The following TAP1 variants were observed in gnomAD, a reference collection of about 807,000 sequenced individuals.
The protein encoded by TAP1 is transporter 1, ATP binding cassette subfamily B member.
TAP1 carries 56 observed loss-of-function variants against 79.3 expected under a neutral mutation model. The observed-to-expected ratio is 0.71, with a 90% confidence interval of 0.57 to 0.88. The LOEUF is 0.88. TAP1 is among the 40% of genes least tolerant of loss of function. The probability of loss-of-function intolerance (pLI) is 0.00; values close to 1 mark genes in which losing one functional copy is unlikely to be tolerated. For missense variants in TAP1, 737 were observed against 936.3 expected (o/e 0.79, Z 2.78); for synonymous variants, 355 against 401.4 (o/e 0.88, Z 1.38).
chr6:32,848,841 C>T lies in TAP1; in HGVS notation c.1378-1G>A. ...CTCTGGGGTAGATGGAGAGCAGTAC[C>T]TAGAGGGAGGTAAGAATAGTGAAAG... On this transcript the variant is annotated splice_acceptor_variant, in intron 6 of 10. Coordinates refer to ENST00000354258, the MANE Select transcript of TAP1 (RefSeq NM_000593.6). LOFTEE classifies it high-confidence loss of function. The T allele has an allele frequency of 1.9e-6, 3 of 1,613,828 alleles. No homozygotes were observed. Among genetic ancestry groups the T allele is most frequent in the Non-Finnish European group, 2.5e-6 (3 of 1,180,022 alleles).
rs1554246364 is a variant in TAP1 at position 32,851,924 on chromosome 6, T to TGTGAGAGAGAGAGAGAGA, written c.844+184_844+185insTCTCTCTCTCTCTCTCAC. 5.2e-4 allele frequency among the ~76,000 whole-genome samples: 77 copies of TGTGAGAGAGAGAGAGAGA among 147,428 alleles called. No individual in the cohort carries two copies. Among genetic ancestry groups the TGTGAGAGAGAGAGAGAGA allele is most frequent in the Non-Finnish European group, 1.0e-3 (69 of 66,848 alleles). ...AAAAACAATTGTGTGTGTGTGTGTG[T>TGTGAGAGAGAGAGAGAGA]GAGAGAGAGAGAGAGAGAGACAGAG... On this transcript the variant is annotated intron_variant, in intron 3 of 10. Transcript: ENST00000354258. The surrounding 1 kb of genome is among the most constrained non-coding windows in gnomAD (Gnocchi z 4.8).
rs1770537847 is a variant in TAP1 at position 32,847,926 on chromosome 6, T to C, written c.1733A>G (p.His578Arg). The change falls in exon 8 of 11, where the codon CAC becomes CGC. Residue 578 changes from histidine to arginine, a missense_variant. By Grantham distance (29) the His-to-Arg change is conservative. Around this residue, in one of 5 missense-constraint regions of TAP1, gnomAD observed 266 missense variants for 332.4 expected, o/e 0.80. Transcript: ENST00000354258. The surrounding 1 kb of genome is among the most constrained non-coding windows in gnomAD (Gnocchi z 4.7). ...AGCCACCTGCTTCCATACCTGCCTG[T>C]GCAGGTAGCGGTGCTCATATTGGGG... ...PLPQYEHRYL[H>R]RQVAAVGQEP... is the part of the protein sequence containing the mutation. 2 of 1,613,120 alleles carry C rather than the reference T, an allele frequency of 1.2e-6. No individual in the cohort carries two copies. Among genetic ancestry groups the C allele is most frequent in the Non-Finnish European group, 1.7e-6 (2 of 1,180,024 alleles).
chr6:32,845,900 C>G lies in TAP1; in HGVS notation c.2041-115G>C, dbSNP rs1770353826. 2 of 804,476 alleles carry G rather than the reference C, an allele frequency of 2.5e-6. No homozygotes were observed. Among genetic ancestry groups the G allele is most frequent in the African/African-American group, 1.7e-5 (1 of 59,126 alleles). The allele number at this position is 804,476 out of a possible 1,614,324, so 49.8% of individuals were successfully genotyped here. ...GATCACTGCTGGCTCTGCTAACAACCCCAAGGACACCAACGTTTCCCATTC... is the reference window on the plus strand; with the variant it reads ...GATCACTGCTGGCTCTGCTAACAACGCCAAGGACACCAACGTTTCCCATTC... On this transcript the variant is annotated intron_variant, in intron 10 of 10. Transcript: ENST00000354258. The surrounding 1 kb of genome is among the most constrained non-coding windows in gnomAD (Gnocchi z 4.5).
At position 32,847,680 on chromosome 6, in the gene TAP1, G is replaced by A. The variant is rs1178960669; in HGVS notation, c.1741-5C>T. The A allele has an allele frequency of 6.2e-7, 1 of 1,613,534 alleles. No individual in the cohort carries two copies. The highest frequency in any genetic ancestry group is 1.1e-5 in the South Asian group (1 of 91,056). On this transcript the variant is annotated splice_polypyrimidine_tract_variant and splice_region_variant and intron_variant, in intron 8 of 10. Transcript: ENST00000354258. The surrounding 1 kb of genome is among the most constrained non-coding windows in gnomAD (Gnocchi z 4.7). ...CTCTTGTCCCACTGCAGCCACCTGA[G>A]ATGAAATATGATGAAGAGTCATAGA...
rs938611936 is a variant in TAP1, at chr6:32,847,312, G to C, written c.1904-108C>G. The C allele has an allele frequency of 6.5e-7, 1 of 1,550,296 alleles. No individual in the cohort carries two copies. Among genetic ancestry groups the C allele is most frequent in the African/African-American group, 1.4e-5 (1 of 73,318 alleles). Reference sequence around the variant, plus strand: ...CACGCACTCACACACACCAAGATCTGACGGTTGTAGCTGGATAGGGGAGAT... The same window carrying C: ...CACGCACTCACACACACCAAGATCTCACGGTTGTAGCTGGATAGGGGAGAT... On this transcript the variant is annotated intron_variant, in intron 9 of 10. Coordinates refer to ENST00000354258, the MANE Select transcript of TAP1 (RefSeq NM_000593.6). This position sits in a 1 kb window ranked among gnomAD's most constrained non-coding sequence, Gnocchi z 4.7.
Position 32,851,949 on chromosome 6 carries a change from G to GAA in TAP1, c.844+159_844+160insTT, listed in dbSNP as rs567319858. On this transcript the variant is annotated intron_variant, in intron 3 of 10. Transcript: ENST00000354258. The surrounding 1 kb of genome is among the most constrained non-coding windows in gnomAD (Gnocchi z 4.8). ...TGAGAGAGAGAGAGAGAGAGACAGA[G>GAA]ACAGAGAGAGAGAGACAGGGAGAGG... 2.2e-3 allele frequency among the ~76,000 whole-genome samples: 337 copies of GAA among 150,776 alleles called. 5 individuals carry two copies. The highest frequency in any genetic ancestry group is 0.017 in the South Asian group (82 of 4,728).
At chr6:32,848,227 T>G in intron 7 of TAP1, 135 bp from the exon 8 acceptor site, 1 of 1,191,486 alleles carries the variant, frequency 8.4e-7, no homozygotes, top group Non-Finnish European at 1.2e-6. Flanking sequence ...CCCTCCCACA[T>G]GCACAGATTT....
intron 7 of TAP1, chr6:32,848,296 A>G (rs1399516424): frequency 3.0e-6 from 2 of 670,698 alleles, no homozygotes; most frequent in Non-Finnish European, 5.1e-6. Context: ...AAGGGCAGAG[A>G]CCCAGCACCA....
Position 32,852,892 on chromosome 6 carries a change from C to A in TAP1, c.598+147G>T. 6.9e-7 allele frequency: 1 copy of A among 1,451,464 alleles called. No homozygotes were observed. Among genetic ancestry groups the A allele is most frequent in the Admixed American group, 2.4e-5 (1 of 41,316 alleles). The allele number at this position is 1,451,464 out of a possible 1,614,324, so 89.9% of individuals were successfully genotyped here. ...CAGTCCAGTGCCGTTTCTTCTACACCGAAGTGGTGTTCCAAGACCCACGCT... is the reference window on the plus strand; with the variant it reads ...CAGTCCAGTGCCGTTTCTTCTACACAGAAGTGGTGTTCCAAGACCCACGCT... On this transcript the variant is annotated intron_variant, in intron 1 of 10. Coordinates refer to ENST00000354258, the MANE Select transcript of TAP1 (RefSeq NM_000593.6). This position sits in a 1 kb window ranked among gnomAD's most constrained non-coding sequence, Gnocchi z 4.8.
Position 32,847,093 on chromosome 6 carries a change from G to A in TAP1, c.2015C>T (p.Ala672Val), listed in dbSNP as rs757917885. ...CTGTAACTGGCTGTTTGCATCCAGG[G>A]CACTGGTGGCATCATCCAGGATAAG... ...CVLILDDATS[A>V]LDANSQLQVE... The change falls in exon 10 of 11, where the codon GCC (alanine) becomes GTC (valine). Residue 672 changes from alanine to valine, a missense_variant. Ala to Val is a moderately conservative substitution (Grantham distance 64, BLOSUM62 0). Around this residue, in one of 5 missense-constraint regions of TAP1, gnomAD observed 266 missense variants for 332.4 expected, o/e 0.80. Transcript: ENST00000354258. This position sits in a 1 kb window ranked among gnomAD's most constrained non-coding sequence, Gnocchi z 4.7. 3 of 1,612,862 alleles carry A rather than the reference G, an allele frequency of 1.9e-6. No individual in the cohort carries two copies. Among genetic ancestry groups the A allele is most frequent in the Non-Finnish European group, 2.5e-6 (3 of 1,180,040 alleles).
At position 32,853,524 on chromosome 6, in the gene TAP1, G is replaced by C; in HGVS notation, c.113C>G (p.Thr38Ser). Reference protein sequence around the residue: ...LLLADWVLLRTALPRIFSLLV... With the variant: ...LLLADWVLLRSALPRIFSLLV... ...CAGGGAGAATATGCGGGGCAGCGCG[G>C]TCCGGAGCAGCACCCAGTCGGCGAG... Residue 38 changes from threonine (T) to serine (S), a missense_variant, in exon 1 of 11, where the codon ACC becomes AGC. Around this residue, in one of 5 missense-constraint regions of TAP1, gnomAD observed 45 missense variants for 60.2 expected, o/e 0.75. Coordinates refer to ENST00000354258, the MANE Select transcript of TAP1 (RefSeq NM_000593.6). The surrounding 1 kb of genome is among the most constrained non-coding windows in gnomAD (Gnocchi z 8.3). 1 of 1,609,800 alleles carries C rather than the reference G, an allele frequency of 6.2e-7. No individual in the cohort carries two copies. Among genetic ancestry groups the C allele is most frequent in the Non-Finnish European group, 8.5e-7 (1 of 1,177,552 alleles).
chr6:32,853,099 G>C lies in TAP1; in HGVS notation c.538C>G (p.Leu180Val), dbSNP rs923182651. ...GAGAGGCGGCGCGTCTCCGAGCCCAGGCAGCCTAGAAGCCGACGCACAGGG... is the reference window on the plus strand; with the variant it reads ...GAGAGGCGGCGCGTCTCCGAGCCCACGCAGCCTAGAAGCCGACGCACAGGG... ...GNPVRRLLGC[L>V]GSETRRLSLF... The change falls in exon 1 of 11, where the codon CTG (leucine) becomes GTG (valine). Residue 180 changes from leucine (L) to valine (V), a missense_variant. Physicochemically the swap from Leu to Val is conservative, Grantham distance 32 (BLOSUM62 1). Coordinates refer to ENST00000354258, the MANE Select transcript of TAP1 (RefSeq NM_000593.6). This position sits in a 1 kb window ranked among gnomAD's most constrained non-coding sequence, Gnocchi z 8.3. 10 of 1,612,606 alleles carry C rather than the reference G, an allele frequency of 6.2e-6. No homozygotes were observed. Among genetic ancestry groups the C allele is most frequent in the Non-Finnish European group, 8.5e-6 (10 of 1,179,970 alleles).
Position 32,849,038 on chromosome 6 carries a change from G to A in TAP1, c.1329C>T (p.Asn443=), listed in dbSNP as rs138099433. ...TCTGGTAGAGAACAAATGTGACAAG[G>A]TTCCCACTGCTTACAGCCCCACTGG... The part of the protein sequence containing the change: ...LVTSGAVSSG[N]LVTFVLYQMQ... The change falls in exon 6 of 11, where the codon AAC becomes AAT. Residue 443 remains asparagine, a synonymous_variant. Transcript: ENST00000354258. 4.4e-6 allele frequency: 7 copies of A among 1,607,444 alleles called. No individual in the cohort carries two copies. The highest frequency in any genetic ancestry group is 5.9e-6 in the Non-Finnish European group (7 of 1,177,752).
intron 7 of TAP1, chr6:32,848,371 G>A: frequency 1.6e-6 from 1 of 621,952 alleles, no homozygotes; most frequent in East Asian, 2.7e-5. Context: ...AAATTACAAA[G>A]GAAAAGGAAA....
chr6:32,848,879 C>T, intron 6 of TAP1, 39 bp from the exon 7 acceptor site: 3 of 1,613,276 alleles, frequency 1.9e-6, no homozygotes, highest in South Asian at 2.2e-5. Context: ...AGGTAGTCTG[C>T]TTGCCAGCAT....
rs1254925741 is a variant in TAP1, at chr6:32,845,776, G to A, written c.2050C>T (p.Leu684Phe). 1 of 1,611,552 alleles carries A rather than the reference G, an allele frequency of 6.2e-7. No individual in the cohort carries two copies. Among genetic ancestry groups the A allele is most frequent in the Non-Finnish European group, 8.5e-7 (1 of 1,179,960 alleles). Reference protein sequence around the residue: ...DANSQLQVEQLLYESPERYSR... With the variant: ...DANSQLQVEQFLYESPERYSR... The stretch of plus-strand genomic sequence containing the variant: ...TACCGCTCAGGGCTTTCGTACAGGA[G>A]CTGCTCCACCTGAGGAAAGACATCG... The change falls in exon 11 of 11, where the codon CTC (leucine) becomes TTC (phenylalanine). Residue 684 changes from leucine to phenylalanine, a missense_variant. Transcript: ENST00000354258. The surrounding 1 kb of genome is among the most constrained non-coding windows in gnomAD (Gnocchi z 4.5).
At chr6:32,848,211 C>T in intron 7 of TAP1, 119 bp from the exon 8 acceptor site, 2 of 1,291,398 alleles carry the variant, frequency 1.5e-6, no homozygotes, top group South Asian at 1.3e-5. Context: ...AATATAGAAA[C>T]TCCTACCCTC....
At position 32,848,062 on chromosome 6, in the gene TAP1, C is replaced by T; in HGVS notation, c.1597G>A (p.Val533Met). ...GLTFTLRPGEVTALVGPNGSG... is the reference protein window; with the variant it reads ...GLTFTLRPGEMTALVGPNGSG... The stretch of plus-strand genomic sequence containing the variant: ...CCATTGGGTCCCACCAGCGCCGTCA[C>T]CTCGCCAGGGCGTAGGGTGAATGTC... The change falls in exon 8 of 11, where the codon GTG becomes ATG. Residue 533 changes from valine to methionine, a missense_variant. This residue lies in a region of TAP1 where 266 missense variants were observed against 332.4 expected (regional missense o/e 0.80). Transcript: ENST00000354258. The T allele has an allele frequency of 6.2e-7, 1 of 1,612,264 alleles. No individual in the cohort carries two copies. Among genetic ancestry groups the T allele is most frequent in the Non-Finnish European group, 8.5e-7 (1 of 1,179,612 alleles).
chr6:32,848,307 C>A, intron 7 of TAP1: 1 of 644,726 alleles, frequency 1.6e-6, no homozygotes, highest in African/African-American at 1.8e-5. Flanking sequence ...CCCAGCACCA[C>A]TATGCCACAC....
Sources: gnomAD v4.1 joint callset for allele counts (sites outside exome capture counted in the v4.1 genomes callset) on GRCh38, gnomAD v4.1.1 for gene constraint, gnomAD v4.1.1 regional missense constraint, Gnocchi (gnomAD v3.1) non-coding constraint, MANE v1.5 for transcripts, NCBI Gene and HGNC (gene_info 2026-07-23, HGNC 2026-07-21) for gene names.